Variants in NIPSNAP1 observed in about 807,000 individuals in gnomAD.
NIPSNAP1 encodes protein NipSnap homolog 1.
Under a neutral mutation model 49.2 loss-of-function variants are expected in NIPSNAP1, and 25 were observed. That is an observed-to-expected ratio of 0.51 (90% CI 0.37 to 0.71). The LOEUF (loss-of-function observed/expected upper bound fraction) is 0.71, where lower values mean the gene tolerates loss of function less well. Ranked by LOEUF, NIPSNAP1 falls within the 30% of genes least tolerant of loss-of-function variation. NIPSNAP1 has a pLI of 0.00. For synonymous variants in NIPSNAP1, 143 were observed against 140.7 expected, an observed-to-expected ratio of 1.02 and a Z score of -0.12; for missense variants, 294 against 361.0, an observed-to-expected ratio of 0.81 and a Z score of 1.50.
chr22:29,579,954 G>C (rs1237828883), intron 1 of NIPSNAP1: 1 of 619,580 alleles, frequency 1.6e-6, no homozygotes, highest in Admixed American at 2.7e-5. Context: ...CTCTTTCCCA[G>C]CTGTCCAAAA....
intron 6 of NIPSNAP1, 150 bp from the exon 7 acceptor site, chr22:29,561,352 G>T: frequency 1.4e-6 from 2 of 1,412,068 alleles, no homozygotes; most frequent in Non-Finnish European, 1.0e-6. Flanking sequence ...ACACACACCT[G>T]GTGTGCATGT....
At chr22:29,556,129 A>G (rs1283493434) in intron 9 of NIPSNAP1, 130 bp from the exon 10 acceptor site, 4 of 733,578 alleles carry the variant, frequency 5.5e-6, no homozygotes, top group Non-Finnish European at 7.1e-6. Flanking sequence ...GGAATGTCCC[A>G]TTGCCCTCGT....
intron 9 of NIPSNAP1, among the ~76,000 whole-genome samples, chr22:29,558,634 TC>T (rs1197134651): frequency 1.3e-5 from 2 of 152,094 alleles, no homozygotes; most frequent in Non-Finnish European, 2.9e-5. Context: ...CGTTTGCTAA[TC>T]CACATCTCCT....
At chr22:29,569,593 CAG>C (rs1408866659) in intron 3 of NIPSNAP1, among the ~76,000 whole-genome samples, 1 of 151,072 alleles carries the variant, frequency 6.6e-6, no homozygotes, top group Admixed American at 6.6e-5. Context: ...GTGTGTGAGA[CAG>C]AGTTTTGCTC....
chr22:29,556,453 G>C (rs753252340), intron 9 of NIPSNAP1, among the ~76,000 whole-genome samples: 3 of 151,900 alleles, frequency 2.0e-5, no homozygotes, highest in Non-Finnish European at 4.4e-5. Flanking sequence ...GAACCCGGGA[G>C]TCAGAGGTTG....
intron 7 of NIPSNAP1, 40 bp from the exon 8 acceptor site, chr22:29,560,868 G>A (rs771809249): frequency 1.9e-6 from 3 of 1,569,760 alleles, no homozygotes; most frequent in Non-Finnish European, 2.6e-6. Flanking sequence ...AGCCAGGGCT[G>A]GTGCAGAGGG....
In NIPSNAP1 at chr22:29,561,513, T is replaced by G; in HGVS notation, c.572A>C (p.Lys191Thr). The G allele has an allele frequency of 5.0e-6, 8 of 1,614,080 alleles. No individual in the cohort carries two copies. The highest frequency in any genetic ancestry group is 6.8e-6 in the Non-Finnish European group (8 of 1,179,980). Residue 191 changes from lysine (K) to threonine (T), a missense_variant, in exon 6 of 10, where the codon AAG becomes ACG. Physicochemically the swap from Lys to Thr is moderately conservative, Grantham distance 78. Transcript: ENST00000216121. ...TCTGTCGGAGGGAGGCACCTTGAGC[T>G]TGTATGTCCTCAGCTCATAGATGTT... ...GPNIYELRTY[K>T]LKPGTMIEWG... is the part of the protein sequence containing the mutation.
chr22:29,564,156 A>G (rs1350575386), intron 4 of NIPSNAP1: 1 of 359,454 alleles, frequency 2.8e-6, no homozygotes, highest in African/African-American at 2.2e-5. Context: ...CAGGCAAGCT[A>G]GAGCTAAGGG....
At chr22:29,580,672 T>C (rs1489213879) in intron 1 of NIPSNAP1, among the ~76,000 whole-genome samples, 1 of 152,018 alleles carries the variant, frequency 6.6e-6, no homozygotes, top group Non-Finnish European at 1.5e-5. Context: ...AATCACAAGC[T>C]ACGCCTGGGA....
intron 1 of NIPSNAP1, chr22:29,580,398 A>ACTC: frequency 2.3e-6 from 1 of 440,104 alleles, no homozygotes; most frequent in South Asian, 9.6e-5. Context: ...CCAGGAGGCC[A>ACTC]CCAGTTGGGT....
At chr22:29,559,044 T>C in intron 8 of NIPSNAP1, 91 bp from the exon 9 acceptor site, 1 of 889,668 alleles carries the variant, frequency 1.1e-6, no homozygotes. Context: ...CCCTAAACCC[T>C]GCACTGCTGT....
chr22:29,569,245 T>A lies in NIPSNAP1; in HGVS notation c.315A>T (p.Pro105=). Reference sequence around the variant, plus strand: ...TGTTCCAGTTGCCCACGAGTGAGCATGGGTAGTCCTCATCCAGGTGAAGCT... The same window carrying A: ...TGTTCCAGTTGCCCACGAGTGAGCAAGGGTAGTCCTCATCCAGGTGAAGCT... ...LPKLHLDEDY[P]CSLVGNWNTW... is the part of the protein sequence containing the mutation. The change falls in exon 4 of 10, where the codon CCA becomes CCT. Residue 105 remains proline (P), a synonymous_variant. Coordinates refer to ENST00000216121, the MANE Select transcript of NIPSNAP1 (RefSeq NM_003634.4). 6.2e-7 allele frequency: 1 copy of A among 1,613,964 alleles called. No individual in the cohort carries two copies. Among genetic ancestry groups the A allele is most frequent in the Non-Finnish European group, 8.5e-7 (1 of 1,179,960 alleles).
intron 4 of NIPSNAP1, among the ~76,000 whole-genome samples, chr22:29,565,951 A>G (rs183986944): frequency 1.3e-5 from 2 of 152,336 alleles, no homozygotes; most frequent in East Asian, 3.9e-4. Context: ...AAAGGATGAA[A>G]TAGATTGGCT....
Position 29,561,790 on chromosome 22 carries a change from AC to A in NIPSNAP1, c.438+1del. ...AGGTGTGCTGAGTGGACACTAACAT[AC>A]CTTATTGTTTTTGAGCTTGTTCATG... is the stretch of plus-strand genomic sequence containing the variant. On this transcript the variant is annotated splice_donor_variant, in intron 5 of 9. Coordinates refer to ENST00000216121, the MANE Select transcript of NIPSNAP1 (RefSeq NM_003634.4). LOFTEE classifies it high-confidence loss of function. 6.2e-7 allele frequency: 1 copy of A among 1,613,898 alleles called. No individual in the cohort carries two copies. The highest frequency in any genetic ancestry group is 8.5e-7 in the Non-Finnish European group (1 of 1,179,970).
intron 1 of NIPSNAP1, among the ~76,000 whole-genome samples, chr22:29,580,690 ACTC>A (rs1389152209): frequency 1.3e-5 from 2 of 150,866 alleles, no homozygotes; most frequent in Non-Finnish European, 3.0e-5. Context: ...GGAATGGGCC[ACTC>A]CTCCTGTCTT....
rs936631872 is a variant in NIPSNAP1, at chr22:29,577,714, T to G, written c.98+3271A>C. Among the ~76,000 whole-genome samples, 6 of 149,818 alleles carry G rather than the reference T, an allele frequency of 4.0e-5. 2 individuals carry two copies. Among genetic ancestry groups the G allele is most frequent in the Admixed American group, 3.3e-4 (5 of 15,098 alleles). On this transcript the variant is annotated intron_variant, in intron 1 of 9. Coordinates refer to ENST00000216121, the MANE Select transcript of NIPSNAP1 (RefSeq NM_003634.4). ...CAGGTGTGAGCCAACGCACCCGGCA[T>G]GTTTTTTTGTTTTGTTTTGTTTTGT...
chr22:29,567,678 T>G (rs1033863225), intron 4 of NIPSNAP1, among the ~76,000 whole-genome samples: 1 of 151,332 alleles, frequency 6.6e-6, no homozygotes, highest in Non-Finnish European at 1.5e-5. Flanking sequence ...CATAGGGAGA[T>G]CCCGTCTCTA....
At chr22:29,556,281 T>TA (rs2064293653) in intron 9 of NIPSNAP1, among the ~76,000 whole-genome samples, 1 of 152,106 alleles carries the variant, frequency 6.6e-6, no homozygotes, top group African/African-American at 2.4e-5. Context: ...TCCCAGCACT[T>TA]AGAGAGGCCA....
rs540137406 is a variant in NIPSNAP1, at chr22:29,561,844, G to A, written c.386C>T (p.Ser129Leu). ...QDQAVHLWRFSGGYPALMDCM... is the reference protein window; with the variant it reads ...QDQAVHLWRFLGGYPALMDCM... The stretch of plus-strand genomic sequence containing the variant: ...GTCCATGAGGGCTGGGTAGCCACCT[G>A]AGAATCGCCACAGGTGCACTGTTGG... The change falls in exon 5 of 10, where the codon TCA (serine) becomes TTA (leucine). Residue 129 changes from serine to leucine, a missense_variant. By Grantham distance (145) the Ser-to-Leu change is moderately radical. Transcript: ENST00000216121. 5.0e-6 allele frequency: 8 copies of A among 1,614,028 alleles called. No homozygotes were observed. In the African/African-American group the frequency reaches 9.3e-5, roughly 19 times the overall value.
Sources: gnomAD v4.1 joint callset for allele counts (sites outside exome capture counted in the v4.1 genomes callset) on GRCh38, gnomAD v4.1.1 for gene constraint, MANE v1.5 for transcripts, NCBI Gene and HGNC (gene_info 2026-07-23, HGNC 2026-07-21) for gene names.